The following STXBP5L variants were observed in gnomAD, a reference collection of about 807,000 sequenced individuals.
The protein encoded by STXBP5L is syntaxin binding protein 5L, also known as syntaxin-binding protein 5-like.
Under a neutral mutation model 144.5 loss-of-function variants are expected in STXBP5L, and 65 were observed. The observed-to-expected ratio is 0.45, with a 90% CI of 0.37 to 0.55. STXBP5L has a LOEUF of 0.55. Among genes scored for constraint, STXBP5L ranks in the 20% least tolerant of loss-of-function variants. The probability of loss-of-function intolerance (pLI) is 0.00; values close to 1 mark genes in which losing one functional copy is unlikely to be tolerated. For missense variants in STXBP5L, 1,298 were observed against 1,405.5 expected (o/e 0.92, Z 1.22); for synonymous variants, 505 against 469.6 (o/e 1.08, Z -0.97).
At chr3:121,203,919 C>T (rs1364349279) in intron 9 of STXBP5L, among the ~76,000 whole-genome samples, 1 of 152,102 alleles carries the variant, frequency 6.6e-6, no homozygotes, top group African/African-American at 2.4e-5. Flanking sequence ...CCAGTAATCT[C>T]CAACCATCTA....
At chr3:121,001,914 A>C (rs922195201) in intron 3 of STXBP5L, among the ~76,000 whole-genome samples, 1 of 152,136 alleles carries the variant, frequency 6.6e-6, no homozygotes. Flanking sequence ...GCCGAATAAT[A>C]TTCTATTGTA....
At chr3:121,045,873 A>G (rs1947485244) in intron 5 of STXBP5L, among the ~76,000 whole-genome samples, 1 of 152,016 alleles carries the variant, frequency 6.6e-6, no homozygotes, top group East Asian at 1.9e-4. Context: ...CTCTTGCATG[A>G]TTGCTCTGCC....
rs575896345 is a variant in STXBP5L at position 121,038,484 on chromosome 3, T to A, written c.288-3216T>A. Among the ~76,000 whole-genome samples, 239 of 152,086 alleles carry A rather than the reference T, an allele frequency of 1.6e-3. 1 individual carries two copies. The highest frequency in any genetic ancestry group is 5.6e-3 in the African/African-American group (231 of 41,574). ...ATACTCTTTATGATTTCAATACTTT[T>A]AAATGCTTTGATACTTGTTTTATAG... On this transcript the variant is annotated intron_variant, in intron 3 of 26. Transcript: ENST00000471454.
chr3:121,305,209 G>T (rs970766601), intron 19 of STXBP5L, among the ~76,000 whole-genome samples: 1 of 152,104 alleles, frequency 6.6e-6, no homozygotes, highest in African/African-American at 2.4e-5. Context: ...GCCACAGGTG[G>T]CTGCACTTGT....
intron 3 of STXBP5L, among the ~76,000 whole-genome samples, chr3:120,959,531 A>T (rs1461959991): frequency 6.6e-6 from 1 of 152,220 alleles, no homozygotes; most frequent in Admixed American, 6.5e-5. Flanking sequence ...GCAAAACAGC[A>T]TGGTACTGGT....
chr3:121,147,058 A>G (rs537543110), intron 7 of STXBP5L, among the ~76,000 whole-genome samples: 1 of 152,198 alleles, frequency 6.6e-6, no homozygotes, highest in East Asian at 1.9e-4. Context: ...ACAAACAAAG[A>G]AATAATTAGT....
chr3:121,006,453 C>T (rs994483759), intron 3 of STXBP5L, among the ~76,000 whole-genome samples: 3 of 152,072 alleles, frequency 2.0e-5, no homozygotes, highest in Non-Finnish European at 2.9e-5. Flanking sequence ...TGTCCCTGCA[C>T]GTGAGATGGG....
intron 6 of STXBP5L, among the ~76,000 whole-genome samples, chr3:121,118,098 A>T (rs1195487414): frequency 6.6e-6 from 1 of 151,734 alleles, no homozygotes; most frequent in Non-Finnish European, 1.5e-5. Flanking sequence ...AAGCATGTTT[A>T]CTGAGCTCTA....
chr3:120,961,361 G>A (rs554331064), intron 3 of STXBP5L, among the ~76,000 whole-genome samples: 1 of 151,008 alleles, frequency 6.6e-6, no homozygotes, highest in Non-Finnish European at 1.5e-5. Context: ...TACCATGTTT[G>A]TAGCTGCACC....
In STXBP5L at chr3:121,238,997, C is replaced by A; in HGVS notation, c.1211C>A (p.Pro404His). 6.2e-7 allele frequency: 1 copy of A among 1,605,416 alleles called. No individual in the cohort carries two copies. ...SNFPIFENPYPMDIHESPVTC... is the reference protein window; with the variant it reads ...SNFPIFENPYHMDIHESPVTC... The stretch of plus-strand genomic sequence containing the variant: ...TTTCCAATCTTTGAAAATCCATATC[C>A]CATGGACATTCATGAATCACCAGTT... Residue 404 changes from proline (P) to histidine (H), a missense_variant, in exon 13 of 27, where the codon CCC becomes CAC. Coordinates refer to ENST00000471454, the MANE Select transcript of STXBP5L (RefSeq NM_001308330.2).
chr3:121,119,613 A>C (rs564360086), intron 6 of STXBP5L, among the ~76,000 whole-genome samples: 3 of 151,192 alleles, frequency 2.0e-5, no homozygotes, highest in Admixed American at 1.3e-4. Flanking sequence ...TTTTTTTGTA[A>C]TTTTCAGAAT....
chr3:121,223,944 A>C (rs1219721682), intron 11 of STXBP5L, among the ~76,000 whole-genome samples: 1 of 152,012 alleles, frequency 6.6e-6, no homozygotes, highest in African/African-American at 2.4e-5. Flanking sequence ...AAATAAATAG[A>C]TAAATAAATA....
intron 19 of STXBP5L, among the ~76,000 whole-genome samples, chr3:121,309,494 GA>G (rs1346309291): frequency 7.2e-5 from 11 of 152,046 alleles, no homozygotes; most frequent in African/African-American, 1.2e-4. Flanking sequence ...CAAAATACAT[GA>G]AGCAATGCCT....
chr3:121,033,377 C>A (rs1946511283), intron 3 of STXBP5L, among the ~76,000 whole-genome samples: 1 of 108,000 alleles, frequency 9.3e-6, no homozygotes, highest in African/African-American at 3.7e-5. Context: ...ACAATGAGAT[C>A]ACATGGACAC....
chr3:120,908,485 G>A (rs1708647893), intron 1 of STXBP5L, among the ~76,000 whole-genome samples, 151 bp downstream of exon 1: 1 of 152,080 alleles, frequency 6.6e-6, no homozygotes, highest in African/African-American at 2.4e-5. Context: ...GAGACAGAGA[G>A]CGAGCGCACC....
chr3:121,238,542 T>C (rs2049560699), intron 12 of STXBP5L, among the ~76,000 whole-genome samples: 1 of 152,094 alleles, frequency 6.6e-6, no homozygotes, highest in Admixed American at 6.6e-5. Context: ...AGCACTCCCA[T>C]TGAAAGAAAG....
At chr3:120,926,004 A>C (rs1157449374) in intron 2 of STXBP5L, among the ~76,000 whole-genome samples, 1 of 152,082 alleles carries the variant, frequency 6.6e-6, no homozygotes, top group African/African-American at 2.4e-5. Context: ...TTATGTTTTT[A>C]ATTGCTTATC....
intron 2 of STXBP5L, among the ~76,000 whole-genome samples, chr3:120,930,189 TA>T (rs1709856094): frequency 6.8e-6 from 1 of 147,850 alleles, no homozygotes; most frequent in South Asian, 2.1e-4. Flanking sequence ...TATGAGAAAA[TA>T]AACTTATTTT....
At chr3:121,023,071 T>A (rs1461629776) in intron 3 of STXBP5L, among the ~76,000 whole-genome samples, 1 of 152,002 alleles carries the variant, frequency 6.6e-6, no homozygotes, top group East Asian at 1.9e-4. Flanking sequence ...ACAAAAATAA[T>A]GCACACAAAT....
Sources: allele counts gnomAD v4.1 joint callset (sites outside exome capture counted in the v4.1 genomes callset), GRCh38; gene constraint gnomAD v4.1.1; transcripts MANE v1.5; gene names NCBI Gene and HGNC (gene_info 2026-07-23, HGNC 2026-07-21).